The following KIF6 variants were observed in gnomAD, a reference collection of about 807,000 sequenced individuals.
The protein encoded by KIF6 is kinesin-like protein KIF6.
In KIF6, 106 loss-of-function variants were observed where a neutral mutation model predicts 112.7. That is an observed-to-expected ratio of 0.94 (90% CI 0.80 to 1.11). KIF6 has a LOEUF of 1.11. KIF6 is among the 50% of genes least tolerant of loss of function. The pLI is 0.00. For synonymous variants in KIF6, 339 were observed against 339.9 expected, an observed-to-expected ratio of 1.00 and a Z score of 0.03; for missense variants, 929 against 964.0, an observed-to-expected ratio of 0.96 and a Z score of 0.48.
intron 19 of KIF6, among the ~76,000 whole-genome samples, chr6:39,347,822 G>A (rs926028987): frequency 6.6e-6 from 1 of 152,238 alleles, no homozygotes; most frequent in African/African-American, 2.4e-5. Context: ...CCAATGGCAA[G>A]GCTGCTTCCA....
chr6:39,545,542 T>C, intron 11 of KIF6, 41 bp downstream of exon 11: 1 of 1,470,488 alleles, frequency 6.8e-7, no homozygotes, highest in Non-Finnish European at 9.5e-7. Flanking sequence ...AGCTTGAACA[T>C]GGCTGAAAAT....
intron 15 of KIF6, among the ~76,000 whole-genome samples, chr6:39,407,141 T>C (rs1769150398): frequency 6.6e-6 from 1 of 152,204 alleles, no homozygotes; most frequent in Admixed American, 6.5e-5. Flanking sequence ...TTGTTGCCGT[T>C]TAAGCAGACA....
intron 14 of KIF6, among the ~76,000 whole-genome samples, chr6:39,421,141 T>C (rs1770330116): frequency 6.6e-6 from 1 of 152,240 alleles, no homozygotes. Context: ...TAAATGGCTG[T>C]ACCTTGGCGG....
chr6:39,394,183 G>C (rs1449612910), intron 15 of KIF6, among the ~76,000 whole-genome samples: 1 of 152,078 alleles, frequency 6.6e-6, no homozygotes, highest in African/African-American at 2.4e-5. Context: ...ATAAAGCCGA[G>C]CAAGATCAAA....
intron 13 of KIF6, among the ~76,000 whole-genome samples, chr6:39,461,585 A>T (rs1350058324): frequency 2.0e-5 from 3 of 152,200 alleles, no homozygotes; most frequent in African/African-American, 7.2e-5. Flanking sequence ...TATAATTTCA[A>T]CATGTAATCA....
At chr6:39,594,881 T>C (rs979124633) in intron 7 of KIF6, among the ~76,000 whole-genome samples, 1 of 152,134 alleles carries the variant, frequency 6.6e-6, no homozygotes, top group African/African-American at 2.4e-5. Context: ...GTAGTTGCCA[T>C]CTTTAACATT....
chr6:39,694,230 G>A (rs550832962), intron 3 of KIF6, among the ~76,000 whole-genome samples: 1 of 151,968 alleles, frequency 6.6e-6, no homozygotes, highest in African/African-American at 2.4e-5. Context: ...TGGGCAAAAG[G>A]TGGAAGCATT....
chr6:39,720,987 T>C (rs1490576963), intron 1 of KIF6, among the ~76,000 whole-genome samples, 176 bp from the exon 2 acceptor site: 1 of 152,206 alleles, frequency 6.6e-6, no homozygotes, highest in Non-Finnish European at 1.5e-5. Flanking sequence ...GACAAATATA[T>C]GGAACTGAAC....
chr6:39,590,212 G>A (rs368186983), intron 7 of KIF6, among the ~76,000 whole-genome samples: 1 of 152,152 alleles, frequency 6.6e-6, no homozygotes, highest in South Asian at 2.1e-4. Context: ...GGGCTGGGCT[G>A]ACAGTTGTGC....
intron 3 of KIF6, among the ~76,000 whole-genome samples, chr6:39,698,581 G>A (rs1358023114): frequency 6.6e-6 from 1 of 152,102 alleles, no homozygotes; most frequent in Non-Finnish European, 1.5e-5. Flanking sequence ...CAATTGGCTA[G>A]GCACCGAAAC....
At chr6:39,575,276 T>C (rs1439673404) in intron 10 of KIF6, among the ~76,000 whole-genome samples, 3 of 89,154 alleles carry the variant, frequency 3.4e-5, no homozygotes, top group African/African-American at 1.6e-4. Context: ...CTTATTTTTC[T>C]TTTTTTTTTT....
chr6:39,380,734 G>C (rs187778232), intron 16 of KIF6, among the ~76,000 whole-genome samples: 81 of 152,062 alleles, frequency 5.3e-4, no homozygotes, highest in Non-Finnish European at 8.8e-5. Context: ...GTATGATCTC[G>C]CTAAATGTGG....
At chr6:39,454,862 G>T (rs1480682297) in intron 13 of KIF6, among the ~76,000 whole-genome samples, 1 of 152,182 alleles carries the variant, frequency 6.6e-6, no homozygotes, top group Non-Finnish European at 1.5e-5. Context: ...CTGGCTCGGA[G>T]GGTCCTACGC....
At chr6:39,346,253 C>G in intron 20 of KIF6, 1 of 671,902 alleles carries the variant, frequency 1.5e-6, no homozygotes, top group East Asian at 2.8e-5. Flanking sequence ...GTGCTACGGA[C>G]TGGAGGTTTG....
intron 13 of KIF6, among the ~76,000 whole-genome samples, chr6:39,492,650 C>T (rs962787991): frequency 3.3e-5 from 5 of 152,140 alleles, no homozygotes; most frequent in African/African-American, 1.2e-4. Flanking sequence ...TGTGCCTCCC[C>T]CTTCCTCCTT....
At chr6:39,349,975 A>G (rs1236454056) in intron 19 of KIF6, among the ~76,000 whole-genome samples, 1 of 152,170 alleles carries the variant, frequency 6.6e-6, no homozygotes. Context: ...TATTAACTAC[A>G]GAGTTAAAGC....
At chr6:39,636,271 G>A (rs914223911) in intron 4 of KIF6, among the ~76,000 whole-genome samples, 1 of 152,006 alleles carries the variant, frequency 6.6e-6, no homozygotes, top group Admixed American at 6.6e-5. Context: ...AAAACAAAAT[G>A]ATAAATGAAC....
Position 39,584,983 on chromosome 6 carries a change from T to C in KIF6, c.992A>G (p.Glu331Gly). The C allele has an allele frequency of 6.3e-7, 1 of 1,581,252 alleles. No homozygotes were observed. The highest frequency in any genetic ancestry group is 2.2e-5 in the East Asian group (1 of 44,708). ...TLSLEKRNLD[E>G]SISTCRFAQR... ...TGCAAATCTGCAGGTTGATATAGAC[T>C]CCTAAGAAAGCAAAGTAACTTCTTA... is the stretch of plus-strand genomic sequence containing the variant. The change falls in exon 9 of 23, where the codon GAG becomes GGG. Residue 331 changes from glutamate (E) to glycine (G), a missense_variant and splice_region_variant. Glu to Gly is a moderately conservative substitution (Grantham distance 98). Around this residue, in one of 2 missense-constraint regions of KIF6, gnomAD observed 688 missense variants for 662.7 expected, o/e 1.04. Coordinates refer to ENST00000287152, the MANE Select transcript of KIF6 (RefSeq NM_145027.6).
At chr6:39,493,347 C>T (rs149078884) in intron 13 of KIF6, among the ~76,000 whole-genome samples, 111 of 152,318 alleles carry the variant, frequency 7.3e-4, no homozygotes, top group Admixed American at 1.8e-3. Flanking sequence ...AAGTGACCTG[C>T]CCAAGGTTGT....
Sources: allele counts gnomAD v4.1 joint callset (sites outside exome capture counted in the v4.1 genomes callset), GRCh38; gene constraint gnomAD v4.1.1; regional missense constraint gnomAD v4.1.1; transcripts MANE v1.5; gene names NCBI Gene and HGNC (gene_info 2026-07-23, HGNC 2026-07-21).